Variants in SHANK2 observed in about 807,000 individuals in gnomAD.
SHANK2 encodes SH3 and multiple ankyrin repeat domains 2.
SHANK2 carries 43 observed loss-of-function variants against 133.7 expected under a neutral mutation model. That is an observed-to-expected ratio of 0.32 (90% CI 0.25 to 0.41). The LOEUF is 0.41. SHANK2 is among the 10% of genes least tolerant of loss of function. The pLI is 1.00. For missense variants in SHANK2, 1,994 were observed against 2,235.8 expected (o/e 0.89, Z 2.18); for synonymous variants, 1,017 against 952.8 (o/e 1.07, Z -1.24).
chr11:71,119,578 CAAAA>C (rs55759811), intron 3 of SHANK2, among the ~76,000 whole-genome samples: 1 of 134,480 alleles, frequency 7.4e-6, no homozygotes, highest in African/African-American at 3.0e-5. Context: ...GACTCCATCT[CAAAA>C]AAAAAAAAAA....
Position 70,486,499 on chromosome 11 carries a change from G to A in SHANK2, c.3794C>T (p.Thr1265Ile). 2 of 1,614,110 alleles carry A rather than the reference G, an allele frequency of 1.2e-6. No individual in the cohort carries two copies. The highest frequency in any genetic ancestry group is 2.2e-5 in the South Asian group (2 of 91,076). Residue 1265 changes from threonine to isoleucine, a missense_variant, in exon 25 of 26, where the codon ACC becomes ATC. Coordinates refer to ENST00000601538, the MANE Select transcript of SHANK2 (RefSeq NM_012309.5). This position sits in a 1 kb window ranked among gnomAD's most constrained non-coding sequence, Gnocchi z 8.0. ...PSLDAGFPTV[T>I]RQNTRGPLRR... is the part of the protein sequence containing the mutation. ...CAGGGGTCCCCGGGTGTTCTGCCTG[G>A]TGACCGTAGGGAAGCCGGCATCCAG... is the stretch of plus-strand genomic sequence containing the variant.
chr11:71,058,826 G>A (rs1045754688), intron 9 of SHANK2, among the ~76,000 whole-genome samples: 7 of 152,378 alleles, frequency 4.6e-5, no homozygotes, highest in East Asian at 3.9e-4. Flanking sequence ...ACCCCAGCCC[G>A]GGCCCCGGGG....
At chr11:70,772,116 G>T (rs1322179559) in intron 14 of SHANK2, among the ~76,000 whole-genome samples, 1 of 152,112 alleles carries the variant, frequency 6.6e-6, no homozygotes, top group African/African-American at 2.4e-5. Context: ...CAAGCATGGG[G>T]CCCGTGTAAC....
chr11:70,789,979 G>A (rs1947753743), intron 14 of SHANK2, among the ~76,000 whole-genome samples: 1 of 152,188 alleles, frequency 6.6e-6, no homozygotes. Flanking sequence ...GAGAGCCCTG[G>A]CCTGACAGTT....
intron 17 of SHANK2, among the ~76,000 whole-genome samples, chr11:70,528,187 G>C (rs1365968386): frequency 6.6e-6 from 1 of 152,248 alleles, no homozygotes; most frequent in African/African-American, 2.4e-5. Context: ...GGCAGGCCGA[G>C]AGGCCGAGAC....
intron 13 of SHANK2, among the ~76,000 whole-genome samples, chr11:70,806,718 T>C (rs1315728318): frequency 6.6e-6 from 1 of 152,200 alleles, no homozygotes; most frequent in Non-Finnish European, 1.5e-5. Context: ...TGCTCTTCGA[T>C]GCCCTCATCT....
intron 25 of SHANK2, among the ~76,000 whole-genome samples, chr11:70,482,299 C>T (rs964793976): frequency 1.3e-5 from 2 of 151,300 alleles, no homozygotes; most frequent in Admixed American, 6.6e-5. Flanking sequence ...TGTTATCGGC[C>T]GCAGGGTGAC....
chr11:70,536,642 G>A (rs1554974232), intron 17 of SHANK2, among the ~76,000 whole-genome samples: 1 of 152,200 alleles, frequency 6.6e-6, no homozygotes, highest in Non-Finnish European at 1.5e-5. Context: ...CTCCCCTTCA[G>A]CTGGGGTCAG....
intron 15 of SHANK2, among the ~76,000 whole-genome samples, chr11:70,677,801 C>A (rs374456650): frequency 6.6e-6 from 1 of 152,240 alleles, no homozygotes; most frequent in Non-Finnish European, 1.5e-5. Flanking sequence ...ACCACCAAAG[C>A]CAGGGTCCTT....
chr11:70,796,125 C>T (rs1181952431), intron 14 of SHANK2, among the ~76,000 whole-genome samples: 5 of 152,218 alleles, frequency 3.3e-5, no homozygotes, highest in Admixed American at 6.5e-5. Context: ...GACTCCACCT[C>T]GCCCACCTGC....
At chr11:71,089,445 G>A (rs959357412) in intron 8 of SHANK2, among the ~76,000 whole-genome samples, 2 of 151,344 alleles carry the variant, frequency 1.3e-5, no homozygotes, top group Admixed American at 6.6e-5. Flanking sequence ...GCGTGCGTGC[G>A]AGTGTGTGTG....
intron 14 of SHANK2, among the ~76,000 whole-genome samples, chr11:70,780,530 C>A (rs1947459092): frequency 6.6e-6 from 1 of 151,736 alleles, no homozygotes; most frequent in Non-Finnish European, 1.5e-5. Flanking sequence ...AAATACATGA[C>A]CCTATACTTA....
chr11:71,068,591 A>AAAG (rs1386750104), intron 9 of SHANK2, among the ~76,000 whole-genome samples: 2 of 152,230 alleles, frequency 1.3e-5, no homozygotes, highest in African/African-American at 4.8e-5. Context: ...GGCAGAATGG[A>AAAG]AAGAGACCTT....
At chr11:71,230,730 T>C (rs1412011775) in intron 1 of SHANK2, among the ~76,000 whole-genome samples, 1 of 151,880 alleles carries the variant, frequency 6.6e-6, no homozygotes, top group Non-Finnish European at 1.5e-5. Context: ...GACAGGCACA[T>C]AGCAATAGAA....
intron 10 of SHANK2, among the ~76,000 whole-genome samples, chr11:70,941,950 T>C (rs536856480): frequency 6.6e-6 from 1 of 152,140 alleles, no homozygotes; most frequent in African/African-American, 2.4e-5. Flanking sequence ...TCCCAGCTAT[T>C]TGAGGGGCCA....
chr11:71,085,686 A>AAT (rs1322847496), intron 8 of SHANK2, among the ~76,000 whole-genome samples: 3 of 64,560 alleles, frequency 4.6e-5, no homozygotes, highest in Admixed American at 5.9e-4. Context: ...TATATAATAT[A>AAT]ATATATAACA....
In SHANK2 at chr11:71,233,931, C is replaced by T. The variant is rs1000999736; in HGVS notation, c.-112-9135G>A. On this transcript the variant is annotated intron_variant, in intron 1 of 25. Coordinates refer to ENST00000601538, the MANE Select transcript of SHANK2 (RefSeq NM_012309.5). ...GCGTGGTGGTGCACGTCTGTAATCC[C>T]AGCTTCTCGGGAGGCTGAGGCAGGA... 5.3e-5 allele frequency among the ~76,000 whole-genome samples: 8 copies of T among 152,086 alleles called. No homozygotes were observed. In the South Asian group the frequency reaches 1.7e-3, roughly 32 times the overall value.
At chr11:71,106,452 A>G (rs1362840823) in intron 6 of SHANK2, among the ~76,000 whole-genome samples, 1 of 152,188 alleles carries the variant, frequency 6.6e-6, no homozygotes, top group Admixed American at 6.5e-5. Flanking sequence ...AAAAACACAA[A>G]AATTAGCCCA....
intron 3 of SHANK2, among the ~76,000 whole-genome samples, chr11:71,138,451 T>A (rs1952490426): frequency 6.6e-6 from 1 of 151,750 alleles, no homozygotes; most frequent in African/African-American, 2.4e-5. Context: ...GTGGAGGAGG[T>A]GAAACCTCCT....
Sources: allele counts gnomAD v4.1 joint callset (sites outside exome capture counted in the v4.1 genomes callset), GRCh38; gene constraint gnomAD v4.1.1; non-coding constraint Gnocchi (gnomAD v3.1); transcripts MANE v1.5; gene names NCBI Gene and HGNC (gene_info 2026-07-23, HGNC 2026-07-21).